Variants in COG5 observed in about 807,000 individuals in gnomAD.
COG5 encodes component of oligomeric golgi complex 5, also known as conserved oligomeric Golgi complex subunit 5.
Under a neutral mutation model 110.4 loss-of-function variants are expected in COG5, and 86 were observed. The ratio of observed to expected loss-of-function variants is 0.78; its 90% CI spans 0.65 to 0.93. COG5 has a LOEUF of 0.93. Ranked by LOEUF, COG5 falls within the 40% of genes least tolerant of loss-of-function variation. The pLI is 0.00. For missense variants in COG5, 1,077 were observed against 987.0 expected, an observed-to-expected ratio of 1.09 and a Z score of -1.22; for synonymous variants, 360 against 334.6, an observed-to-expected ratio of 1.08 and a Z score of -0.83.
chr7:107,235,641 T>G (rs1157604891), intron 18 of COG5, among the ~76,000 whole-genome samples: 1 of 152,196 alleles, frequency 6.6e-6, no homozygotes, highest in African/African-American at 2.4e-5. Flanking sequence ...AGGTGGAGGT[T>G]GCAGTGAGCT....
intron 16 of COG5, among the ~76,000 whole-genome samples, chr7:107,256,158 T>C (rs753392440): frequency 1.1e-4 from 17 of 152,156 alleles, no homozygotes; most frequent in Non-Finnish European, 2.5e-4. Context: ...GGTATAGTTA[T>C]GTTTGTATAG....
At chr7:107,415,271 T>C (rs909979198) in intron 6 of COG5, among the ~76,000 whole-genome samples, 1 of 151,958 alleles carries the variant, frequency 6.6e-6, no homozygotes, top group Non-Finnish European at 1.5e-5. Flanking sequence ...GTCAAAGAAG[T>C]TAAAAATTAA....
chr7:107,305,861 GT>G (rs569636015), intron 11 of COG5, among the ~76,000 whole-genome samples: 10 of 151,944 alleles, frequency 6.6e-5, no homozygotes, highest in Non-Finnish European at 1.2e-4. Flanking sequence ...CAAAATGGAG[GT>G]TAAAACCGTA....
chr7:107,355,602 A>C (rs1017101001), intron 10 of COG5, among the ~76,000 whole-genome samples: 2 of 152,226 alleles, frequency 1.3e-5, no homozygotes, highest in African/African-American at 4.8e-5. Context: ...TTAGAAGAAA[A>C]CTACCAAACC....
intron 5 of COG5, among the ~76,000 whole-genome samples, chr7:107,536,220 T>C (rs552788406): frequency 6.6e-6 from 1 of 152,304 alleles, no homozygotes; most frequent in South Asian, 2.1e-4. Context: ...AAGTCAAGGA[T>C]GCCCCTTCTC....
chr7:107,304,218 T>C (rs1012011393), intron 11 of COG5, among the ~76,000 whole-genome samples: 1 of 152,166 alleles, frequency 6.6e-6, no homozygotes, highest in African/African-American at 2.4e-5. Context: ...ATCCGAAACC[T>C]TGACCTAATT....
At chr7:107,529,203 C>T (rs998927236) in intron 5 of COG5, among the ~76,000 whole-genome samples, 4 of 152,068 alleles carry the variant, frequency 2.6e-5, no homozygotes, top group Non-Finnish European at 4.4e-5. Flanking sequence ...ATCTCTGTCC[C>T]AACTATGCAC....
Position 107,372,578 on chromosome 7 carries a change from A to G in COG5, c.835+17T>C. 6.2e-7 allele frequency: 1 copy of G among 1,612,262 alleles called. No individual in the cohort carries two copies. Among genetic ancestry groups the G allele is most frequent in the Non-Finnish European group, 8.5e-7 (1 of 1,178,900 alleles). On this transcript the variant is annotated intron_variant, in intron 8 of 21. Coordinates refer to ENST00000297135, the MANE Select transcript of COG5 (RefSeq NM_006348.5). ...TTATAAATAAATAAAGAAGCTAAAT[A>G]TAAACCACATCCATACCTCTCACAG...
At chr7:107,212,160 G>C (rs1290775409) in intron 19 of COG5, among the ~76,000 whole-genome samples, 1 of 152,180 alleles carries the variant, frequency 6.6e-6, no homozygotes, top group Non-Finnish European at 1.5e-5. Flanking sequence ...GTTCTCATTA[G>C]ATACAGAATT....
intron 10 of COG5, among the ~76,000 whole-genome samples, chr7:107,343,722 TG>T (rs1277789332): frequency 6.6e-6 from 1 of 151,924 alleles, no homozygotes; most frequent in Non-Finnish European, 1.5e-5. Context: ...TAATAAAACT[TG>T]AAAGTCAAAA....
intron 6 of COG5, among the ~76,000 whole-genome samples, chr7:107,496,470 C>G (rs1007834265): frequency 6.6e-6 from 1 of 151,830 alleles, no homozygotes; most frequent in African/African-American, 2.4e-5. Context: ...ACCAGCCCAG[C>G]CAACATGGAG....
intron 21 of COG5, among the ~76,000 whole-genome samples, chr7:107,206,217 TC>T (rs1282804393): frequency 6.6e-6 from 1 of 152,182 alleles, no homozygotes; most frequent in Non-Finnish European, 1.5e-5. Context: ...CACCTGGGCT[TC>T]CCAAAGTGCT....
chr7:107,544,332 G>A (rs556611497), intron 5 of COG5, among the ~76,000 whole-genome samples: 69 of 152,236 alleles, frequency 4.5e-4, no homozygotes, highest in African/African-American at 1.6e-3. Flanking sequence ...GCTAAAGGCC[G>A]GTCCAAGTGC....
In COG5 at chr7:107,554,274, T is replaced by C; in HGVS notation, c.292+11A>G. 6.2e-6 allele frequency: 10 copies of C among 1,612,558 alleles called. No individual in the cohort carries two copies. The highest frequency in any genetic ancestry group is 7.6e-6 in the Non-Finnish European group (9 of 1,178,554). Reference sequence around the variant, plus strand: ...GCTCTACATAATCTCTAGCAGTTATTAGAAATATACCTTCCAACGACTCAA... The same window carrying C: ...GCTCTACATAATCTCTAGCAGTTATCAGAAATATACCTTCCAACGACTCAA... On this transcript the variant is annotated intron_variant, in intron 3 of 21. Coordinates refer to ENST00000297135, the MANE Select transcript of COG5 (RefSeq NM_006348.5).
chr7:107,333,599 C>T (rs1051022112), intron 10 of COG5, among the ~76,000 whole-genome samples: 1 of 152,064 alleles, frequency 6.6e-6, no homozygotes, highest in African/African-American at 2.4e-5. Flanking sequence ...ATTTTAAATA[C>T]ATTTTGAAGG....
At chr7:107,382,377 T>C (rs1815199013) in intron 7 of COG5, among the ~76,000 whole-genome samples, 1 of 152,212 alleles carries the variant, frequency 6.6e-6, no homozygotes, top group South Asian at 2.1e-4. Context: ...AAATAATTAT[T>C]CTTGCTGCAC....
chr7:107,425,226 A>G (rs957526768), intron 6 of COG5, among the ~76,000 whole-genome samples: 1 of 152,094 alleles, frequency 6.6e-6, no homozygotes, highest in Non-Finnish European at 1.5e-5. Context: ...CAAAATCCAT[A>G]TAAATCCACT....
intron 14 of COG5, among the ~76,000 whole-genome samples, chr7:107,268,648 G>A (rs758481455): frequency 7.2e-5 from 11 of 152,166 alleles, no homozygotes; most frequent in Non-Finnish European, 1.3e-4. Context: ...CTATCCACTT[G>A]TGCTTTATTA....
intron 14 of COG5, among the ~76,000 whole-genome samples, chr7:107,280,084 C>A (rs141539656): frequency 6.6e-6 from 1 of 151,970 alleles, no homozygotes; most frequent in Non-Finnish European, 1.5e-5. Flanking sequence ...AGATATAACA[C>A]TGAATTTTAT....
Sources: gnomAD v4.1 joint callset for allele counts (sites outside exome capture counted in the v4.1 genomes callset) on GRCh38, gnomAD v4.1.1 for gene constraint, MANE v1.5 for transcripts, NCBI Gene and HGNC (gene_info 2026-07-23, HGNC 2026-07-21) for gene names.